TMEM263: variants seen among roughly 807,000 people sequenced by gnomAD.
TMEM263 encodes transmembrane protein 263, also known as UPF0444 transmembrane protein C12orf23.
Under a neutral mutation model 8.6 loss-of-function variants are expected in TMEM263, and 5 were observed. The observed-to-expected ratio is 0.58, with a 90% CI of 0.31 to 1.23. The LOEUF (loss-of-function observed/expected upper bound fraction) is 1.23, where lower values mean the gene tolerates loss of function less well. Ranked by LOEUF, TMEM263 falls within the 50% of genes most tolerant of loss-of-function variation. TMEM263 has a pLI of 0.07. For missense variants in TMEM263, 104 were observed against 138.8 expected (o/e 0.75, Z 1.26); for synonymous variants, 50 against 47.9 (o/e 1.04, Z -0.18).
At chr12:106,961,051 G>T (rs548489585) in intron 2 of TMEM263, among the ~76,000 whole-genome samples, 1 of 151,496 alleles carries the variant, frequency 6.6e-6, no homozygotes, top group Non-Finnish European at 1.5e-5. Context: ...GTCCTGTCCT[G>T]TCCTGTCCTG....
intron 2 of TMEM263, among the ~76,000 whole-genome samples, chr12:106,958,061 T>C (rs1336152121): frequency 6.6e-6 from 1 of 152,222 alleles, no homozygotes; most frequent in Non-Finnish European, 1.5e-5. Context: ...GAGGATGTGG[T>C]AAAGTTCTTT....
intron 1 of TMEM263, among the ~76,000 whole-genome samples, 187 bp downstream of exon 1, chr12:106,956,252 G>T (rs893858914): frequency 6.6e-6 from 1 of 152,168 alleles, no homozygotes; most frequent in East Asian, 1.9e-4. Context: ...ATGGAGGTTC[G>T]CTTCTGGGGC....
chr12:106,962,744 C>T (rs932482051), intron 2 of TMEM263, among the ~76,000 whole-genome samples: 5 of 152,222 alleles, frequency 3.3e-5, no homozygotes, highest in African/African-American at 1.2e-4. Flanking sequence ...CCTTCATCTT[C>T]TCTCAAAAGG....
At chr12:106,962,753 G>A (rs985724942) in intron 2 of TMEM263, among the ~76,000 whole-genome samples, 1 of 152,104 alleles carries the variant, frequency 6.6e-6, no homozygotes, top group Admixed American at 6.5e-5. Flanking sequence ...TCTCTCAAAA[G>A]GTTTCTCTTC....
intron 2 of TMEM263, among the ~76,000 whole-genome samples, chr12:106,964,335 T>G (rs563838778): frequency 6.6e-6 from 1 of 152,302 alleles, no homozygotes; most frequent in African/African-American, 2.4e-5. Flanking sequence ...TCTATACAGT[T>G]TATGGTCAAG....
Position 106,955,933 on chromosome 12 carries a change from A to G in TMEM263, c.-207A>G. 1 of 985,760 alleles carries G rather than the reference A, an allele frequency of 1.0e-6. No individual in the cohort carries two copies. The highest frequency in any genetic ancestry group is 1.2e-6 in the Non-Finnish European group (1 of 830,276). The allele number at this position is 985,760 out of a possible 1,614,324, so 61.1% of individuals were successfully genotyped here. A position where few individuals can be genotyped will look rare whatever the true frequency, so the allele number is the denominator to read the frequency against. On this transcript the variant is annotated 5_prime_UTR_variant, in exon 1 of 4. Coordinates refer to ENST00000280756, the MANE Select transcript of TMEM263 (RefSeq NM_152261.4). ...CAGTCTTCCAGCTCCACATCCTGAG[A>G]GGACGCCTCTGGAGCCGCGACTGCC...
intron 3 of TMEM263, among the ~76,000 whole-genome samples, chr12:106,968,194 A>G (rs563760740): frequency 2.0e-5 from 3 of 152,244 alleles, no homozygotes; most frequent in African/African-American, 4.8e-5. Context: ...TCTGTTACCC[A>G]TTGTCTAAAA....
At position 106,971,296 on chromosome 12, in the gene TMEM263, G is replaced by A; in HGVS notation, c.256G>A (p.Gly86Ser). ...PSMGIGLVKG[G>S]VSAVAGGVTA... ...CATGGGAATAGGGCTGGTGAAAGGGGGTGTCTCTGCTGTGGCTGGAGGTGT... is the reference window on the plus strand; with the variant it reads ...CATGGGAATAGGGCTGGTGAAAGGGAGTGTCTCTGCTGTGGCTGGAGGTGT... Residue 86 changes from glycine to serine, a missense_variant, in exon 4 of 4, where the codon GGT becomes AGT. Transcript: ENST00000280756. 1 of 1,614,164 alleles carries A rather than the reference G, an allele frequency of 6.2e-7. No individual in the cohort carries two copies. Among genetic ancestry groups the A allele is most frequent in the South Asian group, 1.1e-5 (1 of 91,070 alleles).
chr12:106,959,578 A>C (rs1021293319), intron 2 of TMEM263, among the ~76,000 whole-genome samples: 1 of 152,204 alleles, frequency 6.6e-6, no homozygotes, highest in Non-Finnish European at 1.5e-5. Context: ...ATACTCTAAA[A>C]TTTTATTAGT....
chr12:106,972,381 G>A lies in TMEM263; in HGVS notation c.*990G>A, dbSNP rs527320242. ...GCCTTCACACCTATTCTGTCTTTAG[G>A]ATGTCTTAAATTATTAGCAGTACTC... On this transcript the variant is annotated 3_prime_UTR_variant, in exon 4 of 4. Transcript: ENST00000280756. 5 of 152,110 alleles carry A rather than the reference G, an allele frequency of 3.3e-5. No homozygotes were observed. Among genetic ancestry groups the A allele is most frequent in the African/African-American group, 9.7e-5 (4 of 41,410 alleles). 9.4% of individuals were successfully genotyped at this position (152,110 alleles called of 1,614,324 possible).
In TMEM263 at chr12:106,972,418, A is replaced by C. The variant is rs779789597; in HGVS notation, c.*1027A>C. ...TATTAGCAGTACTCCTTTTTTAAAAACACTGTAAAAGTAACCACAAATATG... is the reference window on the plus strand; with the variant it reads ...TATTAGCAGTACTCCTTTTTTAAAACCACTGTAAAAGTAACCACAAATATG... On this transcript the variant is annotated 3_prime_UTR_variant, in exon 4 of 4. Coordinates refer to ENST00000280756, the MANE Select transcript of TMEM263 (RefSeq NM_152261.4). The C allele has an allele frequency of 6.6e-6, 1 of 152,174 alleles. No homozygotes were observed. Among genetic ancestry groups the C allele is most frequent in the Non-Finnish European group, 1.5e-5 (1 of 68,002 alleles). The allele number at this position is 152,174 out of a possible 1,614,324, so 9.4% of individuals were successfully genotyped here.
chr12:106,961,598 A>G (rs1951779036), intron 2 of TMEM263, among the ~76,000 whole-genome samples: 2 of 152,156 alleles, frequency 1.3e-5, no homozygotes, highest in Non-Finnish European at 1.5e-5. Flanking sequence ...CAGGAAGCCA[A>G]AGAGAAGGAA....
At chr12:106,966,486 G>T (rs572775117) in intron 2 of TMEM263, among the ~76,000 whole-genome samples, 17 of 152,184 alleles carry the variant, frequency 1.1e-4, no homozygotes, top group Admixed American at 2.0e-4. Context: ...ATTCCTTTGA[G>T]TTATATCTAG....
rs1951933890 is a variant in TMEM263, at chr12:106,972,345, T to A, written c.*954T>A. ...TAAAAATTACCTAAAACACCCCAAA[T>A]ATAAAAAGAAGCCTTCACACCTATT... On this transcript the variant is annotated 3_prime_UTR_variant, in exon 4 of 4. Coordinates refer to ENST00000280756, the MANE Select transcript of TMEM263 (RefSeq NM_152261.4). 6.6e-6 allele frequency: 1 copy of A among 152,188 alleles called. No homozygotes were observed. The highest frequency in any genetic ancestry group is 6.5e-5 in the Admixed American group (1 of 15,286). The allele number at this position is 152,188 out of a possible 1,614,324, so 9.4% of individuals were successfully genotyped here.
rs1491346658 is a variant in TMEM263, at chr12:106,962,215, T to TG, written c.-6-4896_-6-4895insG. Among the ~76,000 whole-genome samples, 3 of 151,898 alleles carry TG rather than the reference T, an allele frequency of 2.0e-5. No homozygotes were observed. The East Asian group carries it at 5.8e-4, about 29-fold the overall frequency. On this transcript the variant is annotated intron_variant, in intron 2 of 3. Transcript: ENST00000280756. ...GTAAAATGTAAAACTTATGTATTTC[T>TG]AACCCCCCCCGCCCCCTGGCAATCT...
At position 106,956,045 on chromosome 12, in the gene TMEM263, G is replaced by T; in HGVS notation, c.-95G>T. The T allele has an allele frequency of 1.0e-6, 1 of 985,548 alleles. No individual in the cohort carries two copies. Among genetic ancestry groups the T allele is most frequent in the Non-Finnish European group, 1.2e-6 (1 of 830,052 alleles). The allele number at this position is 985,548 out of a possible 1,614,324, so 61.1% of individuals were successfully genotyped here. On this transcript the variant is annotated 5_prime_UTR_variant, in exon 1 of 4. Coordinates refer to ENST00000280756, the MANE Select transcript of TMEM263 (RefSeq NM_152261.4). ...CTCACTCCGCCCGGCCCCAGCCCTA[G>T]CGCTGGCCGCGACCCCGGCGGTGAG...
chr12:106,970,548 T>A (rs1951906187), intron 3 of TMEM263, among the ~76,000 whole-genome samples: 1 of 152,218 alleles, frequency 6.6e-6, no homozygotes, highest in Admixed American at 6.5e-5. Flanking sequence ...GGAAAACTGC[T>A]ATAGACTCAT....
intron 2 of TMEM263, among the ~76,000 whole-genome samples, chr12:106,960,713 T>C (rs1005347897): frequency 6.6e-6 from 1 of 152,136 alleles, no homozygotes; most frequent in Admixed American, 6.5e-5. Context: ...CTTGAAAGTC[T>C]AGTTATCTTT....
chr12:106,959,881 A>G (rs915039500), intron 2 of TMEM263, among the ~76,000 whole-genome samples: 2 of 152,178 alleles, frequency 1.3e-5, no homozygotes, highest in African/African-American at 4.8e-5. Flanking sequence ...TGATCAAATT[A>G]GGAATTCAGG....
Sources: allele counts gnomAD v4.1 joint callset (sites outside exome capture counted in the v4.1 genomes callset), GRCh38; gene constraint gnomAD v4.1.1; transcripts MANE v1.5; gene names NCBI Gene and HGNC (gene_info 2026-07-23, HGNC 2026-07-21).